Variants in IQSEC1 observed in about 807,000 individuals in gnomAD.
IQSEC1 encodes the protein IQ motif and SEC7 domain-containing protein 1.
Under a neutral mutation model 91.0 loss-of-function variants are expected in IQSEC1, and 31 were observed. The observed-to-expected ratio is 0.34, with a 90% CI of 0.26 to 0.46. IQSEC1 has a LOEUF of 0.46. Among genes scored for constraint, IQSEC1 ranks in the 20% least tolerant of loss-of-function variants. The pLI is 1.00. For synonymous variants in IQSEC1, 699 were observed against 662.6 expected, an observed-to-expected ratio of 1.05 and a Z score of -0.84; for missense variants, 1,388 against 1,575.6, an observed-to-expected ratio of 0.88 and a Z score of 2.02.
intron 1 of IQSEC1, among the ~76,000 whole-genome samples, chr3:13,195,738 G>T (rs1694113277): frequency 1.3e-5 from 2 of 152,226 alleles, no homozygotes; most frequent in African/African-American, 4.8e-5. Context: ...AGGGGTTCCT[G>T]TGGTCCTGAA....
At chr3:13,148,598 A>G (rs1039043533) in intron 2 of IQSEC1, among the ~76,000 whole-genome samples, 1 of 152,236 alleles carries the variant, frequency 6.6e-6, no homozygotes, top group African/African-American at 2.4e-5. Context: ...CTCCTGGGTG[A>G]CATTCCCTCA....
chr3:13,223,076 G>C (rs1559280498), intron 1 of IQSEC1, among the ~76,000 whole-genome samples: 1 of 152,224 alleles, frequency 6.6e-6, no homozygotes, highest in Non-Finnish European at 1.5e-5. Context: ...CGAGGTTTGG[G>C]CAGGGTTGGG....
In IQSEC1 at chr3:12,899,126, T is replaced by G; in HGVS notation, c.*1857A>C. ...TTAACAAAGTGCTTGGTTTGCAGAT[T>G]TGCTGGTACGGTGATCTCAATGATA... On this transcript the variant is annotated 3_prime_UTR_variant, in exon 14 of 14. Transcript: ENST00000613206. 1.9e-6 allele frequency: 1 copy of G among 524,950 alleles called. No individual in the cohort carries two copies. Among genetic ancestry groups the G allele is most frequent in the African/African-American group, 1.9e-5 (1 of 52,456 alleles). 32.5% of individuals were successfully genotyped at this position (524,950 alleles called of 1,614,324 possible). A position where few individuals can be genotyped will look rare whatever the true frequency, so the allele number is the denominator to read the frequency against.
chr3:13,190,646 TG>T (rs1694008044), intron 1 of IQSEC1, among the ~76,000 whole-genome samples: 1 of 152,174 alleles, frequency 6.6e-6, no homozygotes, highest in South Asian at 2.1e-4. Context: ...CTACGAAGGA[TG>T]GAATGACACT....
intron 1 of IQSEC1, among the ~76,000 whole-genome samples, chr3:13,166,626 C>T (rs924270989): frequency 1.3e-5 from 2 of 152,248 alleles, no homozygotes; most frequent in East Asian, 3.8e-4. Context: ...GAGATAAGTA[C>T]ATTCCCAGCA....
rs774414321 is a variant in IQSEC1, at chr3:12,935,833, G to A, written c.1183C>T (p.Arg395Cys). 77 of 1,608,186 alleles carry A rather than the reference G, an allele frequency of 4.8e-5. No homozygotes were observed. The highest frequency in any genetic ancestry group is 6.2e-5 in the Non-Finnish European group (73 of 1,179,888). Residue 395 changes from arginine (R) to cysteine (C), a missense_variant, in exon 3 of 14, where the codon CGC becomes TGC. Physicochemically the swap from Arg to Cys is radical, Grantham distance 180. Around this residue, in one of 2 missense-constraint regions of IQSEC1, gnomAD observed 1,059 missense variants for 1,317.8 expected, o/e 0.80. Coordinates refer to ENST00000613206, the MANE Select transcript of IQSEC1 (RefSeq NM_001134382.3). The surrounding 1 kb of genome is among the most constrained non-coding windows in gnomAD (Gnocchi z 8.0). ...GSLKRQSAYE[R>C]SLGGQQGSPK... ...CTGCCCTGCTGCCCGCCAAGGCTGC[G>A]CTCGTAAGCACTCTGCCTCTTGAGT...
chr3:13,215,151 C>A (rs370598102), intron 1 of IQSEC1, among the ~76,000 whole-genome samples: 2 of 152,004 alleles, frequency 1.3e-5, no homozygotes, highest in Admixed American at 6.5e-5. Context: ...CAGGCTCCTG[C>A]AGTACACAAG....
intron 1 of IQSEC1, among the ~76,000 whole-genome samples, chr3:12,993,324 GC>G (rs964689606): frequency 3.3e-5 from 5 of 152,198 alleles, no homozygotes; most frequent in African/African-American, 1.2e-4. Context: ...CTCCAGCCCT[GC>G]CAAAGCTTCT....
At chr3:13,240,762 A>G (rs796791750) in intron 1 of IQSEC1, among the ~76,000 whole-genome samples, 86 of 152,312 alleles carry the variant, frequency 5.6e-4, no homozygotes, top group African/African-American at 1.8e-3. Flanking sequence ...GGGCTCCATG[A>G]AAGACCCGGG....
intron 2 of IQSEC1, among the ~76,000 whole-genome samples, chr3:13,146,447 G>A (rs1352242322): frequency 6.6e-6 from 1 of 152,144 alleles, no homozygotes; most frequent in East Asian, 1.9e-4. Context: ...AGGAGGGAAC[G>A]GCAGCACACG....
At chr3:12,985,802 T>C (rs988950552) in intron 1 of IQSEC1, among the ~76,000 whole-genome samples, 3 of 152,254 alleles carry the variant, frequency 2.0e-5, no homozygotes, top group Non-Finnish European at 4.4e-5. Context: ...TAGTCTTCAC[T>C]GCATATTCTT....
At chr3:13,194,704 G>C (rs770949735) in intron 1 of IQSEC1, among the ~76,000 whole-genome samples, 11 of 152,056 alleles carry the variant, frequency 7.2e-5, no homozygotes, top group African/African-American at 1.7e-4. Flanking sequence ...GGCGAGGTCC[G>C]TGCTTCCTCC....
Position 12,964,471 on chromosome 3 carries a change from A to C in IQSEC1, c.24-22606T>G, listed in dbSNP as rs945782699. ...AAATTTACAAAACAGGAAGCAAGAA[A>C]ATCCAGCGGGTCATTGGTGCCTGGG... is the stretch of plus-strand genomic sequence containing the variant. On this transcript the variant is annotated intron_variant, in intron 1 of 13. Coordinates refer to ENST00000613206, the MANE Select transcript of IQSEC1 (RefSeq NM_001134382.3). Among the ~76,000 whole-genome samples the C allele has an allele frequency of 2.6e-5, 4 of 152,172 alleles. No individual in the cohort carries two copies. The East Asian group carries it at 7.7e-4, about 29-fold the overall frequency.
intron 1 of IQSEC1, among the ~76,000 whole-genome samples, chr3:12,953,034 G>A (rs190607001): frequency 1.3e-5 from 2 of 152,346 alleles, no homozygotes; most frequent in African/African-American, 4.8e-5. Flanking sequence ...CTGAGGGGCA[G>A]GAAGGGAGGC....
At chr3:12,938,293 A>G (rs1490540237) in intron 2 of IQSEC1, among the ~76,000 whole-genome samples, 1 of 152,198 alleles carries the variant, frequency 6.6e-6, no homozygotes, top group Non-Finnish European at 1.5e-5. Context: ...GGGGTCTGTC[A>G]AGGAGAGCAG....
rs1258541153 is a variant in IQSEC1 at position 12,900,495 on chromosome 3, TTTAC to T, written c.*484_*487del. 2 of 811,932 alleles carry T rather than the reference TTTAC, an allele frequency of 2.5e-6. No individual in the cohort carries two copies. The highest frequency in any genetic ancestry group is 3.0e-6 in the Non-Finnish European group (2 of 673,038). The allele number at this position is 811,932 out of a possible 1,614,324, so 50.3% of individuals were successfully genotyped here. On this transcript the variant is annotated 3_prime_UTR_variant, in exon 14 of 14. Transcript: ENST00000613206. ...TATATATTTATATATTTATATAAAG[TTTAC>T]TTACGTATTTTCATCAACCATATCA...
In IQSEC1 at chr3:12,899,702, GAAAAC is replaced by G. The variant is rs994869863; in HGVS notation, c.*1276_*1280del. The G allele has an allele frequency of 1.2e-5, 12 of 985,272 alleles. No individual in the cohort carries two copies. Among genetic ancestry groups the G allele is most frequent in the African/African-American group, 3.5e-5 (2 of 57,230 alleles). 61.0% of individuals were successfully genotyped at this position (985,272 alleles called of 1,614,324 possible). ...TTACGGTGATCACTGCTACCACTCA[GAAAAC>G]AAAACGGGAAACACACACACCGCCC... On this transcript the variant is annotated 3_prime_UTR_variant, in exon 14 of 14. Transcript: ENST00000613206.
At chr3:13,094,589 A>C (rs1267731724) in intron 2 of IQSEC1, among the ~76,000 whole-genome samples, 1 of 152,172 alleles carries the variant, frequency 6.6e-6, no homozygotes, top group East Asian at 1.9e-4. Flanking sequence ...CCCTGCACTA[A>C]GTACTGTTCG....
chr3:12,935,857 G>T lies in IQSEC1; in HGVS notation c.1159C>A (p.Leu387Ile). The change falls in exon 3 of 14, where the codon CTC (leucine) becomes ATC (isoleucine). Residue 387 changes from leucine (L) to isoleucine (I), a missense_variant. Around this residue, in one of 2 missense-constraint regions of IQSEC1, gnomAD observed 1,059 missense variants for 1,317.8 expected, o/e 0.80. Transcript: ENST00000613206. The surrounding 1 kb of genome is among the most constrained non-coding windows in gnomAD (Gnocchi z 8.0). ...DLSDRSERGSLKRQSAYERSL... is the reference protein window; with the variant it reads ...DLSDRSERGSIKRQSAYERSL... ...CGCTCGTAAGCACTCTGCCTCTTGA[G>T]TGACCCCCGCTCCGAGCGGTCACTA... 6.2e-7 allele frequency: 1 copy of T among 1,607,944 alleles called. No homozygotes were observed. Among genetic ancestry groups the T allele is most frequent in the Non-Finnish European group, 8.5e-7 (1 of 1,179,890 alleles).
Sources: allele counts gnomAD v4.1 joint callset (sites outside exome capture counted in the v4.1 genomes callset), GRCh38; gene constraint gnomAD v4.1.1; regional missense constraint gnomAD v4.1.1; non-coding constraint Gnocchi (gnomAD v3.1); transcripts MANE v1.5; gene names NCBI Gene and HGNC (gene_info 2026-07-23, HGNC 2026-07-21).